The following AFG2A variants were observed in gnomAD, a reference collection of about 807,000 sequenced individuals.
AFG2A encodes the protein ATPase family gene 2 protein homolog A.
At chr4:122,989,481 T>C in the AFG2A span, among the ~76,000 whole-genome samples, 1 of 151,874 alleles carries the variant, frequency 6.6e-6, no homozygotes, top group Non-Finnish European at 1.5e-5. Flanking sequence ...TCTATGGGGG[T>C]GATCCTGAAG....
chr4:123,005,893 T>G, the AFG2A span, among the ~76,000 whole-genome samples: 6,246 of 152,298 alleles, frequency 0.041, 408 homozygotes, highest in African/African-American at 0.14. Context: ...CATACTGTCA[T>G]CAGTTTTGCA....
chr4:123,304,773 C>T, the AFG2A span, among the ~76,000 whole-genome samples: 1 of 152,156 alleles, frequency 6.6e-6, no homozygotes, highest in South Asian at 2.1e-4. Context: ...GGGGCAGCAG[C>T]CAGGCTGCCG....
At chr4:123,307,629 G>A in the AFG2A span, among the ~76,000 whole-genome samples, 3 of 152,090 alleles carry the variant, frequency 2.0e-5, no homozygotes, top group South Asian at 4.1e-4. Context: ...ACAATAAATC[G>A]CCATTTGCAT....
the AFG2A span, among the ~76,000 whole-genome samples, chr4:123,082,527 T>TC: frequency 9.2e-5 from 8 of 87,178 alleles, no homozygotes; most frequent in African/African-American, 2.0e-4. Flanking sequence ...TTTTTTCTTT[T>TC]TTTTTTTTTT....
chr4:123,074,359 T>A, the AFG2A span, among the ~76,000 whole-genome samples: 20 of 151,890 alleles, frequency 1.3e-4, no homozygotes, highest in African/African-American at 4.6e-4. Context: ...CCTTCCATTC[T>A]CATAAGGGGA....
the AFG2A span, among the ~76,000 whole-genome samples, chr4:122,981,113 G>A: frequency 6.6e-6 from 1 of 152,170 alleles, no homozygotes; most frequent in Middle Eastern, 3.4e-3. Flanking sequence ...TTTTCTTCTA[G>A]TAGTTTTACA....
the AFG2A span, among the ~76,000 whole-genome samples, chr4:123,253,499 A>C: frequency 1.3e-5 from 2 of 151,920 alleles, no homozygotes; most frequent in African/African-American, 4.8e-5. Context: ...AAAAAAAAAA[A>C]AATAGCTGGG....
chr4:123,044,472 C>T, the AFG2A span, among the ~76,000 whole-genome samples: 1,841 of 152,190 alleles, frequency 0.012, 42 homozygotes, highest in African/African-American at 0.041. Context: ...AATAGTTTTA[C>T]CATTTTTCTA....
chr4:122,998,746 A>G, the AFG2A span, among the ~76,000 whole-genome samples: 8 of 152,220 alleles, frequency 5.3e-5, no homozygotes, highest in African/African-American at 1.7e-4. Context: ...AGTCTTTGCT[A>G]TTGTGAATAG....
the AFG2A span, among the ~76,000 whole-genome samples, chr4:123,075,179 T>C: frequency 6.6e-6 from 1 of 151,662 alleles, no homozygotes; most frequent in Non-Finnish European, 1.5e-5. Flanking sequence ...CTCCTGACTT[T>C]GTGATCCGCC....
chr4:123,290,937 T>A, the AFG2A span, among the ~76,000 whole-genome samples: 1 of 152,156 alleles, frequency 6.6e-6, no homozygotes, highest in Non-Finnish European at 1.5e-5. Context: ...TGTCTTTTCT[T>A]AGGTCTAAGA....
chr4:123,048,277 T>TA, the AFG2A span, among the ~76,000 whole-genome samples: 1 of 152,204 alleles, frequency 6.6e-6, no homozygotes, highest in Non-Finnish European at 1.5e-5. Context: ...TAGTATAATT[T>TA]AAAATAACTT....
chr4:123,189,810 T>C, the AFG2A span, among the ~76,000 whole-genome samples: 2 of 37,626 alleles, frequency 5.3e-5, no homozygotes, highest in South Asian at 5.7e-4. Flanking sequence ...GGTCATTTGC[T>C]TTTTTTTTTT....
chr4:122,974,726 T>G, the AFG2A span, among the ~76,000 whole-genome samples: 1 of 152,062 alleles, frequency 6.6e-6, no homozygotes, highest in Admixed American at 6.6e-5. Context: ...CCGCAGCCTC[T>G]GCCTCCTGGG....
At chr4:123,032,394 C>T in the AFG2A span, among the ~76,000 whole-genome samples, 1 of 152,042 alleles carries the variant, frequency 6.6e-6, no homozygotes, top group South Asian at 2.1e-4. Context: ...GAATTTTAAT[C>T]CTTTTTTTTT....
At chr4:122,974,796 A>T in the AFG2A span, among the ~76,000 whole-genome samples, 1 of 151,880 alleles carries the variant, frequency 6.6e-6, no homozygotes. Flanking sequence ...ATGCACCACC[A>T]CACCCGGCTA....
chr4:123,068,770 A>G, the AFG2A span, among the ~76,000 whole-genome samples: 3 of 152,108 alleles, frequency 2.0e-5, no homozygotes, highest in Non-Finnish European at 4.4e-5. Flanking sequence ...ACTCAGAGAA[A>G]CTAGAGATTA....
the AFG2A span, among the ~76,000 whole-genome samples, chr4:123,133,080 G>A: frequency 5.3e-5 from 8 of 152,162 alleles, no homozygotes; most frequent in South Asian, 4.1e-4. Flanking sequence ...GCGCCCAGCC[G>A]ATTTCAATCC....
chr4:123,144,488 A>G, the AFG2A span, among the ~76,000 whole-genome samples: 3 of 152,078 alleles, frequency 2.0e-5, no homozygotes, highest in African/African-American at 7.2e-5. Context: ...TGGGTGCCAG[A>G]TGCAAGGGAA....
Sources: allele counts gnomAD v4.1 joint callset (sites outside exome capture counted in the v4.1 genomes callset), GRCh38; gene constraint gnomAD v4.1.1; transcripts MANE v1.5; gene names NCBI Gene and HGNC (gene_info 2026-07-23, HGNC 2026-07-21).